The following SHISAL2A variants were observed in gnomAD, a reference collection of about 807,000 sequenced individuals.
SHISAL2A encodes shisa like 2A, also known as protein shisa-like-2A.
SHISAL2A carries 18 observed loss-of-function variants against 11.5 expected under a neutral mutation model. The observed-to-expected ratio is 1.57, with a 90% confidence interval of 1.08 to 2.33. The LOEUF (loss-of-function observed/expected upper bound fraction) is 2.33. Ranked by LOEUF, SHISAL2A falls within the 30% of genes most tolerant of loss-of-function variation. The pLI is 0.00. For missense variants in SHISAL2A, 261 were observed against 250.9 expected (o/e 1.04, Z -0.27); for synonymous variants, 94 against 99.6 (o/e 0.94, Z 0.34).
chr1:52,649,666 G>A (rs1691583136), intron 2 of SHISAL2A, among the ~76,000 whole-genome samples: 1 of 152,102 alleles, frequency 6.6e-6, no homozygotes, highest in African/African-American at 2.4e-5. Context: ...TGTTGAGCTG[G>A]GCACTGTGCT....
chr1:52,664,918 A>G (rs1691982776), intron 4 of SHISAL2A, among the ~76,000 whole-genome samples: 1 of 152,118 alleles, frequency 6.6e-6, no homozygotes, highest in African/African-American at 2.4e-5. Context: ...CCTTCTGAGT[A>G]GTTGGGACTA....
Position 52,663,691 on chromosome 1 carries a change from G to A in SHISAL2A, n.696-3708G>A, listed in dbSNP as rs532846540. Among the ~76,000 whole-genome samples the A allele has an allele frequency of 2.6e-5, 4 of 152,312 alleles. No individual in the cohort carries two copies. The South Asian group carries it at 6.2e-4, about 24-fold the overall frequency. On this transcript the variant is annotated intron_variant and non_coding_transcript_variant, in intron 4 of 5. Transcript: ENST00000401050. ...CAGGAGAATCGCTTGAACCTGGGAG[G>A]TGGAGGTTGCAGTGAGCTGAGACTG... is the stretch of plus-strand genomic sequence containing the variant.
intron 1 of SHISAL2A, among the ~76,000 whole-genome samples, chr1:52,640,902 C>G (rs1255146179): frequency 6.6e-6 from 1 of 152,174 alleles, no homozygotes; most frequent in African/African-American, 2.4e-5. Flanking sequence ...GAACTTACAG[C>G]CCCACCTCAC....
chr1:52,667,423 A>G lies in SHISAL2A; in HGVS notation n.720A>G, dbSNP rs1286240130. Reference sequence around the variant, plus strand: ...GGTGGTTCCTAACTTCCTGGCAACAACCACAATTGTAATTCGTTCAAAGAG... The same window carrying G: ...GGTGGTTCCTAACTTCCTGGCAACAGCCACAATTGTAATTCGTTCAAAGAG... On this transcript the variant is annotated non_coding_transcript_exon_variant, in exon 5 of 6. Coordinates refer to the SHISAL2A transcript ENST00000401050. 1.4e-5 allele frequency: 14 copies of G among 983,808 alleles called. No homozygotes were observed. In the African/African-American group the frequency reaches 2.4e-4, roughly 17 times the overall value. The allele number at this position is 983,808 out of a possible 1,614,324, so 60.9% of individuals were successfully genotyped here.
chr1:52,661,973 C>G (rs907294842), downstream of SHISAL2A, among the ~76,000 whole-genome samples: 8 of 151,552 alleles, frequency 5.3e-5, no homozygotes, highest in African/African-American at 1.9e-4. Flanking sequence ...GAGGAGGTTG[C>G]GGTGATCTGA....
chr1:52,639,845 G>A (rs1390300837), intron 1 of SHISAL2A: 1 of 152,116 alleles, frequency 6.6e-6, no homozygotes, highest in Non-Finnish European at 1.5e-5. Flanking sequence ...CTGGAGTGCA[G>A]TGGCACCATC....
At chr1:52,635,814 C>G (rs1361362182) in intron 1 of SHISAL2A, among the ~76,000 whole-genome samples, 2 of 152,318 alleles carry the variant, frequency 1.3e-5, no homozygotes, top group Non-Finnish European at 2.9e-5. Context: ...TAAAGTTAAA[C>G]TATAAACTAA....
chr1:52,659,809 C>G (rs1383079922), downstream of SHISAL2A, among the ~76,000 whole-genome samples: 1 of 152,194 alleles, frequency 6.6e-6, no homozygotes, highest in African/African-American at 2.4e-5. Context: ...TCAGAAAAAT[C>G]CAACTTTTCT....
Position 52,654,111 on chromosome 1 carries a change from A to G in SHISAL2A, c.323-2679A>G, listed in dbSNP as rs535643079. On this transcript the variant is annotated intron_variant, in intron 2 of 2. Coordinates refer to ENST00000517870, the MANE Select transcript of SHISAL2A (RefSeq NM_001042693.3). ...ATTTTTGTAGAGATGGGTTCTTGCT[A>G]TGTTGCCCAGGCTGGTTTTGAACTC... 2.6e-4 allele frequency among the ~76,000 whole-genome samples: 40 copies of G among 151,934 alleles called. No individual in the cohort carries two copies. In the East Asian group the frequency reaches 7.4e-3, roughly 28 times the overall value.
chr1:52,645,587 T>C lies in SHISAL2A; in HGVS notation c.322+2585T>C, dbSNP rs148708686. On this transcript the variant is annotated intron_variant, in intron 2 of 2. Coordinates refer to ENST00000517870, the MANE Select transcript of SHISAL2A (RefSeq NM_001042693.3). ...CACACCTGGCTAATTTTTTGTATTT[T>C]TAGTAGAGATGGAGTTTCACCGTCC... is the stretch of plus-strand genomic sequence containing the variant. Among the ~76,000 whole-genome samples, 1,441 of 152,278 alleles carry C rather than the reference T, an allele frequency of 9.5e-3. 6 individuals are homozygous for C. Among genetic ancestry groups the C allele is most frequent in the Non-Finnish European group, 0.014 (963 of 68,006 alleles).
In SHISAL2A at chr1:52,633,742, AG is replaced by A; in HGVS notation, c.182+68del. On this transcript the variant is annotated intron_variant, in intron 1 of 2. Coordinates refer to ENST00000517870, the MANE Select transcript of SHISAL2A (RefSeq NM_001042693.3). This position sits in a 1 kb window ranked among gnomAD's most constrained non-coding sequence, Gnocchi z 6.4. ...GTCTCAGCGCCTTCACCCCAGCCTC[AG>A]CCCCCACCCGAGTGTCCACCTGAAC... The A allele has an allele frequency of 7.3e-7, 1 of 1,365,530 alleles. No individual in the cohort carries two copies. The highest frequency in any genetic ancestry group is 1.0e-6 in the Non-Finnish European group (1 of 974,694). 84.6% of individuals were successfully genotyped at this position (1,365,530 alleles called of 1,614,324 possible). A position where few individuals can be genotyped will look rare whatever the true frequency, so the allele number is the denominator to read the frequency against.
rs1255582548 is a variant in SHISAL2A at position 52,657,036 on chromosome 1, C to T, written c.569C>T (p.Pro190Leu). 1.9e-6 allele frequency: 3 copies of T among 1,590,470 alleles called. No individual in the cohort carries two copies. The highest frequency in any genetic ancestry group is 1.8e-5 in the Admixed American group (1 of 56,970). ...VPNPDLCGPV[P>L] ...AACCCTGACCTATGTGGACCAGTCC[C>T]ATAAACATTCAATAAATGTCTCCAT... Residue 190 changes from proline (P) to leucine (L), a missense_variant, in exon 3 of 3, where the codon CCA becomes CTA. Pro to Leu is a moderately conservative substitution (Grantham distance 98). Transcript: ENST00000517870.
chr1:52,660,416 C>T (rs1691881125), downstream of SHISAL2A, among the ~76,000 whole-genome samples: 2 of 152,126 alleles, frequency 1.3e-5, no homozygotes, highest in African/African-American at 4.8e-5. Context: ...AACAAACTGC[C>T]CACCCTGTGT....
At position 52,656,981 on chromosome 1, in the gene SHISAL2A, C is replaced by G; in HGVS notation, c.514C>G (p.Pro172Ala). 1 of 1,614,184 alleles carries G rather than the reference C, an allele frequency of 6.2e-7. No individual in the cohort carries two copies. The highest frequency in any genetic ancestry group is 8.5e-7 in the Non-Finnish European group (1 of 1,180,024). ...FMATVTTSDI[P>A]GSPEEASVPN... ...GGCCACAGTGACCACCAGTGACATTCCAGGCAGCCCTGAGGAAGCCTCTGT... is the reference window on the plus strand; with the variant it reads ...GGCCACAGTGACCACCAGTGACATTGCAGGCAGCCCTGAGGAAGCCTCTGT... The change falls in exon 3 of 3, where the codon CCA (proline) becomes GCA (alanine). Residue 172 changes from proline (P) to alanine (A), a missense_variant. By Grantham distance (27) the Pro-to-Ala change is conservative. Coordinates refer to ENST00000517870, the MANE Select transcript of SHISAL2A (RefSeq NM_001042693.3).
At chr1:52,645,916 A>G (rs1022137403) in intron 2 of SHISAL2A, among the ~76,000 whole-genome samples, 1 of 152,260 alleles carries the variant, frequency 6.6e-6, no homozygotes, top group African/African-American at 2.4e-5. Context: ...TGCAAGAATG[A>G]ACAACACAAT....
chr1:52,640,354 A>C (rs550119348), intron 1 of SHISAL2A, among the ~76,000 whole-genome samples: 3 of 152,306 alleles, frequency 2.0e-5, no homozygotes, highest in Admixed American at 6.5e-5. Flanking sequence ...GATGCCACCT[A>C]TACCTTCTCA....
At chr1:52,652,726 G>A (rs1691696072) in intron 2 of SHISAL2A, among the ~76,000 whole-genome samples, 1 of 152,034 alleles carries the variant, frequency 6.6e-6, no homozygotes, top group Admixed American at 6.6e-5. Flanking sequence ...AGCACTTTGG[G>A]AGGCCCAGGA....
At position 52,647,013 on chromosome 1, in the gene SHISAL2A, T is replaced by C. The variant is rs890535799; in HGVS notation, c.322+4011T>C. Among the ~76,000 whole-genome samples the C allele has an allele frequency of 2.6e-5, 4 of 152,212 alleles. No homozygotes were observed. In the East Asian group the frequency reaches 7.7e-4, roughly 29 times the overall value. ...CCCAGCTAATTTTTTTTTGTATTTT[T>C]AGTAGACACAGAGTTTCGTTATATT... On this transcript the variant is annotated intron_variant, in intron 2 of 2. Coordinates refer to ENST00000517870, the MANE Select transcript of SHISAL2A (RefSeq NM_001042693.3).
chr1:52,652,833 G>A (rs1226832335), intron 2 of SHISAL2A, among the ~76,000 whole-genome samples: 3 of 151,314 alleles, frequency 2.0e-5, no homozygotes, highest in Non-Finnish European at 2.9e-5. Context: ...GGGCTTGGTG[G>A]CGGGCACCTG....
Sources: gnomAD v4.1 joint callset for allele counts (sites outside exome capture counted in the v4.1 genomes callset) on GRCh38, gnomAD v4.1.1 for gene constraint, Gnocchi (gnomAD v3.1) non-coding constraint, MANE v1.5 for transcripts, NCBI Gene and HGNC (gene_info 2026-07-23, HGNC 2026-07-21) for gene names.